Variants in FER observed in about 807,000 individuals in gnomAD.
FER encodes tyrosine-protein kinase Fer.
FER carries 63 observed loss-of-function variants against 111.0 expected under a neutral mutation model. The observed-to-expected ratio is 0.57, with a 90% confidence interval of 0.46 to 0.70. The LOEUF is 0.70. Among genes scored for constraint, FER ranks in the 30% least tolerant of loss-of-function variants. The pLI is 0.00. For missense variants in FER, 914 were observed against 954.0 expected, an observed-to-expected ratio of 0.96 and a Z score of 0.55; for synonymous variants, 327 against 313.9, an observed-to-expected ratio of 1.04 and a Z score of -0.44.
chr5:108,869,581 A>C (rs900223531), intron 6 of FER, among the ~76,000 whole-genome samples: 26 of 152,224 alleles, frequency 1.7e-4, no homozygotes, highest in African/African-American at 5.8e-4. Context: ...GACACAGAGA[A>C]GGCCTTGTGA....
intron 3 of FER, chr5:108,820,433 A>G (rs923356245): frequency 1.3e-4 from 128 of 985,326 alleles, no homozygotes; most frequent in Non-Finnish European, 1.5e-4. Context: ...CTGTTCTTCA[A>G]AAGAAGAACA....
At chr5:108,837,578 T>C (rs1760802404) in intron 5 of FER, among the ~76,000 whole-genome samples, 1 of 152,322 alleles carries the variant, frequency 6.6e-6, no homozygotes, top group African/African-American at 2.4e-5. Flanking sequence ...ATGTTGTGTA[T>C]TTCGCACTAG....
chr5:108,979,282 T>C (rs954059926), intron 13 of FER, among the ~76,000 whole-genome samples: 1 of 152,182 alleles, frequency 6.6e-6, no homozygotes, highest in African/African-American at 2.4e-5. Context: ...CTACCAGCTG[T>C]ATCTTTGCTA....
In FER at chr5:108,883,500, C is replaced by T. The variant is rs1765876266; in HGVS notation, c.1028C>T (p.Thr343Ile). The change falls in exon 9 of 20, where the codon ACT becomes ATT. Residue 343 changes from threonine to isoleucine, a missense_variant. By Grantham distance (89) the Thr-to-Ile change is moderately conservative. This residue lies in a region of FER where 774 missense variants were observed against 782.6 expected (regional missense o/e 0.99). Coordinates refer to ENST00000281092, the MANE Select transcript of FER (RefSeq NM_005246.4). ...LEKRIEESSETCEKKSDIVLL... is the reference protein window; with the variant it reads ...LEKRIEESSEICEKKSDIVLL... The stretch of plus-strand genomic sequence containing the variant: ...AAGAGAATTGAAGAATCTTCTGAAA[C>T]TTGTGAGAAGAAGTCTGAGTGAGTA... 22 of 1,602,428 alleles carry T rather than the reference C, an allele frequency of 1.4e-5. No homozygotes were observed. The highest frequency in any genetic ancestry group is 1.8e-5 in the Non-Finnish European group (21 of 1,173,396).
rs545310249 is a variant in FER at position 109,044,126 on chromosome 5, A to T, written c.1714-554A>T. 9.1e-4 allele frequency among the ~76,000 whole-genome samples: 139 copies of T among 152,280 alleles called. 1 individual carries two copies. The highest frequency in any genetic ancestry group is 2.8e-3 in the African/African-American group (118 of 41,558). ...TCGGTAATGTTTTGGATTTAATTTT[A>T]AAAAATAGATTTCAAAATGTCATCT... On this transcript the variant is annotated intron_variant, in intron 14 of 19. Coordinates refer to ENST00000281092, the MANE Select transcript of FER (RefSeq NM_005246.4).
At chr5:108,816,414 G>C (rs949978187) in intron 3 of FER, among the ~76,000 whole-genome samples, 1 of 152,176 alleles carries the variant, frequency 6.6e-6, no homozygotes, top group Admixed American at 6.5e-5. Context: ...TTCGCAAGTT[G>C]CAACCTTTCT....
intron 17 of FER, among the ~76,000 whole-genome samples, chr5:109,171,186 A>G (rs534832394): frequency 6.6e-6 from 1 of 152,286 alleles, no homozygotes; most frequent in African/African-American, 2.4e-5. Context: ...ACATGACATC[A>G]GGGTTGATGT....
chr5:108,883,433 C>A lies in FER; in HGVS notation c.961C>A (p.Gln321Lys), dbSNP rs1032523496. 2.5e-6 allele frequency: 4 copies of A among 1,608,496 alleles called. No individual in the cohort carries two copies. Among genetic ancestry groups the A allele is most frequent in the Non-Finnish European group, 3.4e-6 (4 of 1,176,506 alleles). Reference protein sequence around the residue: ...TLAEELMQTQQMLLNKEEAVL... With the variant: ...TLAEELMQTQKMLLNKEEAVL... Reference sequence around the variant, plus strand: ...AGCGGAAGAACTTATGCAAACACAGCAGATGCTTTTAAACAAGGAGGAGGC... The same window carrying A: ...AGCGGAAGAACTTATGCAAACACAGAAGATGCTTTTAAACAAGGAGGAGGC... The change falls in exon 9 of 20, where the codon CAG (glutamine) becomes AAG (lysine). Residue 321 changes from glutamine to lysine, a missense_variant. Coordinates refer to ENST00000281092, the MANE Select transcript of FER (RefSeq NM_005246.4).
intron 13 of FER, among the ~76,000 whole-genome samples, chr5:109,033,372 T>C (rs953272090): frequency 6.6e-6 from 1 of 152,274 alleles, no homozygotes; most frequent in Non-Finnish European, 1.5e-5. Flanking sequence ...TGCAGCTGTC[T>C]TTGGCCATAT....
intron 17 of FER, among the ~76,000 whole-genome samples, chr5:109,178,547 GC>G (rs1757956650): frequency 6.6e-6 from 1 of 152,178 alleles, no homozygotes; most frequent in South Asian, 2.1e-4. Context: ...ATGGCATTTG[GC>G]CCACTGACTA....
At chr5:109,008,542 C>G (rs1765789082) in intron 13 of FER, among the ~76,000 whole-genome samples, 1 of 152,158 alleles carries the variant, frequency 6.6e-6, no homozygotes, top group African/African-American at 2.4e-5. Context: ...TTTGATTCTT[C>G]ATTTTTCTCT....
At chr5:108,951,794 C>A (rs1757786248) in intron 11 of FER, among the ~76,000 whole-genome samples, 1 of 151,894 alleles carries the variant, frequency 6.6e-6, no homozygotes, top group Non-Finnish European at 1.5e-5. Flanking sequence ...TTTTAAAAAA[C>A]ATTTTTGTTT....
intron 17 of FER, among the ~76,000 whole-genome samples, chr5:109,146,530 G>C (rs1290120764): frequency 1.3e-5 from 2 of 151,370 alleles, no homozygotes; most frequent in Admixed American, 6.6e-5. Context: ...AATTGTTTTA[G>C]CTGTCTTGTT....
chr5:109,045,497 TG>T (rs1170376282), intron 15 of FER, among the ~76,000 whole-genome samples: 2 of 152,138 alleles, frequency 1.3e-5, no homozygotes, highest in African/African-American at 4.8e-5. Context: ...TAGAAATAAT[TG>T]GGACAGACAG....
chr5:108,942,942 A>C (rs1363291307), intron 10 of FER, among the ~76,000 whole-genome samples: 3 of 152,144 alleles, frequency 2.0e-5, no homozygotes, highest in Admixed American at 6.6e-5. Flanking sequence ...TGATTTTAAT[A>C]AGTAGCTGGC....
At chr5:108,966,423 T>C (rs1759843612) in intron 13 of FER, among the ~76,000 whole-genome samples, 1 of 150,970 alleles carries the variant, frequency 6.6e-6, no homozygotes, top group South Asian at 2.1e-4. Flanking sequence ...AGTTTTGCTC[T>C]TTTGCTCAGG....
At chr5:109,095,240 C>G (rs1198894547) in intron 16 of FER, among the ~76,000 whole-genome samples, 1 of 152,074 alleles carries the variant, frequency 6.6e-6, no homozygotes, top group Non-Finnish European at 1.5e-5. Context: ...GGGTAGCAAG[C>G]TGTTCAGGAA....
At chr5:109,058,278 G>A (rs1173475470) in intron 16 of FER, among the ~76,000 whole-genome samples, 1 of 152,032 alleles carries the variant, frequency 6.6e-6, no homozygotes, top group Non-Finnish European at 1.5e-5. Flanking sequence ...ATGACTAAAT[G>A]TTTTCCCCCT....
rs571784973 is a variant in FER at position 108,869,828 on chromosome 5, A to G, written c.666-1537A>G. ...GACTTTTACTTCTCTTTATGTGAAA[A>G]TAAAGATAATTTGATAGTATATACT... is the stretch of plus-strand genomic sequence containing the variant. On this transcript the variant is annotated intron_variant, in intron 6 of 19. Coordinates refer to ENST00000281092, the MANE Select transcript of FER (RefSeq NM_005246.4). 2.6e-5 allele frequency among the ~76,000 whole-genome samples: 4 copies of G among 152,212 alleles called. No individual in the cohort carries two copies. The South Asian group carries it at 8.3e-4, about 32-fold the overall frequency.
Sources: allele counts gnomAD v4.1 joint callset (sites outside exome capture counted in the v4.1 genomes callset), GRCh38; gene constraint gnomAD v4.1.1; regional missense constraint gnomAD v4.1.1; transcripts MANE v1.5; gene names NCBI Gene and HGNC (gene_info 2026-07-23, HGNC 2026-07-21).